The following EFCAB8 variants were observed in gnomAD, a reference collection of about 807,000 sequenced individuals.
EFCAB8 encodes EF-hand calcium-binding domain-containing protein 8.
EFCAB8 carries 100 observed loss-of-function variants against 116.3 expected under a neutral mutation model. That is an observed-to-expected ratio of 0.86 (90% CI 0.73 to 1.02). The LOEUF is 1.02. Among genes scored for constraint, EFCAB8 ranks in the 50% least tolerant of loss-of-function variants. The probability of loss-of-function intolerance (pLI) is 0.00; values close to 1 mark genes in which losing one functional copy is unlikely to be tolerated. For missense variants in EFCAB8, 1,320 were observed against 1,416.9 expected, an observed-to-expected ratio of 0.93 and a Z score of 1.10; for synonymous variants, 558 against 567.9, an observed-to-expected ratio of 0.98 and a Z score of 0.25.
At position 32,935,288 on chromosome 20, in the gene EFCAB8, C is replaced by T. The variant is rs571726922; in HGVS notation, c.2790+3952C>T. Among the ~76,000 whole-genome samples, 410 of 149,542 alleles carry T rather than the reference C, an allele frequency of 2.7e-3. 1 individual carries two copies. The highest frequency in any genetic ancestry group is 9.1e-3 in the African/African-American group (366 of 40,392). ...CAATCTTGGCTCACTGCAACCCCCG[C>T]CTCCCGGGTTCAAGCAATTCTCCCG... On this transcript the variant is annotated intron_variant, in intron 22 of 26. Coordinates refer to ENST00000400522, the MANE Select transcript of EFCAB8 (RefSeq NM_001143967.2).
intron 5 of EFCAB8, among the ~76,000 whole-genome samples, chr20:32,884,508 T>C (rs995144529): frequency 5.9e-5 from 9 of 152,308 alleles, no homozygotes; most frequent in African/African-American, 2.2e-4. Context: ...GGGCTGAGGA[T>C]AGGAGAGAGG....
chr20:32,918,223 C>A (rs929602839), intron 18 of EFCAB8, 139 bp from the exon 19 acceptor site: 8 of 778,512 alleles, frequency 1.0e-5, no homozygotes, highest in African/African-American at 1.7e-5. Flanking sequence ...TGGTCTGATG[C>A]CTTTAAGGGG....
At chr20:32,881,833 G>T (rs1381137659) in intron 5 of EFCAB8, among the ~76,000 whole-genome samples, 1 of 152,134 alleles carries the variant, frequency 6.6e-6, no homozygotes, top group Non-Finnish European at 1.5e-5. Flanking sequence ...TTGCCAGATG[G>T]GATGAAGGCG....
intron 11 of EFCAB8, among the ~76,000 whole-genome samples, chr20:32,905,141 G>A (rs1986616358): frequency 6.6e-6 from 1 of 152,194 alleles, no homozygotes; most frequent in African/African-American, 2.4e-5. Context: ...TGCTTACTGA[G>A]CTTCCTGCCA....
intron 24 of EFCAB8, among the ~76,000 whole-genome samples, chr20:32,958,797 A>C (rs1478793392): frequency 1.3e-5 from 2 of 152,228 alleles, no homozygotes; most frequent in Non-Finnish European, 2.9e-5. Context: ...GGGAAAATAC[A>C]AAAACCCAAG....
intron 23 of EFCAB8, among the ~76,000 whole-genome samples, chr20:32,954,355 G>A (rs371985489): frequency 2.0e-5 from 3 of 152,038 alleles, no homozygotes; most frequent in Non-Finnish European, 4.4e-5. Context: ...GTGGCAATTC[G>A]GTTTTCCCAA....
chr20:32,919,203 G>C (rs1297580106), intron 19 of EFCAB8, among the ~76,000 whole-genome samples: 1 of 152,178 alleles, frequency 6.6e-6, no homozygotes, highest in Non-Finnish European at 1.5e-5. Context: ...ATAATCTCTT[G>C]TATGGGGCAG....
intron 20 of EFCAB8, among the ~76,000 whole-genome samples, chr20:32,927,635 A>G (rs1159799374): frequency 6.6e-6 from 1 of 152,182 alleles, no homozygotes; most frequent in African/African-American, 2.4e-5. Flanking sequence ...GAGAGCCACC[A>G]TGCCTGGCCA....
chr20:32,895,293 C>T (rs1382340935), intron 9 of EFCAB8, among the ~76,000 whole-genome samples: 2 of 148,824 alleles, frequency 1.3e-5, no homozygotes, highest in African/African-American at 5.0e-5. Context: ...TCCAGACAGG[C>T]TTGTTTTATT....
chr20:32,940,027 T>TCCTTCCTTCCTC (rs1988349482), intron 22 of EFCAB8, among the ~76,000 whole-genome samples: 1 of 27,864 alleles, frequency 3.6e-5, no homozygotes. Flanking sequence ...CTCCCTCCCT[T>TCCTTCCTTCCTC]CCTTCCTTCC....
intron 4 of EFCAB8, among the ~76,000 whole-genome samples, chr20:32,876,367 C>T (rs1218377170): frequency 6.6e-6 from 1 of 152,198 alleles, no homozygotes; most frequent in African/African-American, 2.4e-5. Context: ...CAAGCTGGTA[C>T]CACGACCATC....
At chr20:32,949,926 G>A (rs1236242199) in intron 23 of EFCAB8, among the ~76,000 whole-genome samples, 1 of 152,210 alleles carries the variant, frequency 6.6e-6, no homozygotes, top group Non-Finnish European at 1.5e-5. Flanking sequence ...CTTGAACCTG[G>A]GAGGCGGAGG....
chr20:32,859,893 G>A (rs1984014282), intron 1 of EFCAB8, among the ~76,000 whole-genome samples: 1 of 152,176 alleles, frequency 6.6e-6, no homozygotes, highest in South Asian at 2.1e-4. Flanking sequence ...AGCCCTTGCA[G>A]CATTTTTGTT....
At chr20:32,905,582 A>G (rs1200401712) in intron 11 of EFCAB8, among the ~76,000 whole-genome samples, 1 of 152,004 alleles carries the variant, frequency 6.6e-6, no homozygotes, top group African/African-American at 2.4e-5. Context: ...CAACATGGTA[A>G]AAGCCCATCT....
In EFCAB8 at chr20:32,911,609, C is replaced by T. The variant is rs566866666; in HGVS notation, c.1687C>T (p.Arg563Trp). The change falls in exon 16 of 27, where the codon CGG becomes TGG. Residue 563 changes from arginine (R) to tryptophan (W), a missense_variant. By Grantham distance (101) the Arg-to-Trp change is moderately radical. Coordinates refer to ENST00000400522, the MANE Select transcript of EFCAB8 (RefSeq NM_001143967.2). The stretch of plus-strand genomic sequence containing the variant: ...CGCCATGGCCCTGGATGAGTCAGAG[C>T]GGTGCCTGCTCACAGGTTTGCGGGA... ...MTAMALDESE[R>W]CLLTGLRDGT... is the part of the protein sequence containing the mutation. 3.7e-5 allele frequency: 57 copies of T among 1,551,398 alleles called. 1 individual carries two copies. The Middle Eastern group carries it at 5.0e-4, about 14-fold the overall frequency.
chr20:32,897,783 G>A (rs1411882443), intron 10 of EFCAB8, among the ~76,000 whole-genome samples: 2 of 152,082 alleles, frequency 1.3e-5, no homozygotes, highest in Non-Finnish European at 2.9e-5. Flanking sequence ...TCTTGGATTC[G>A]GTGCCTTCAT....
intron 1 of EFCAB8, among the ~76,000 whole-genome samples, chr20:32,860,229 A>G (rs1260040915): frequency 6.6e-6 from 1 of 152,070 alleles, no homozygotes; most frequent in African/African-American, 2.4e-5. Flanking sequence ...AATCATCAGA[A>G]TCTGGGAGGT....
intron 20 of EFCAB8, 39 bp downstream of exon 20, chr20:32,920,254 G>A (rs1190330040): frequency 2.6e-6 from 4 of 1,548,488 alleles, no homozygotes; most frequent in African/African-American, 2.7e-5. Flanking sequence ...TATGAGCTGG[G>A]GAGTGGGCGG....
chr20:32,898,340 CG>C, intron 10 of EFCAB8, 152 bp from the exon 11 acceptor site: 1 of 574,608 alleles, frequency 1.7e-6, no homozygotes. Flanking sequence ...GCTAGGATTG[CG>C]GGGCCACATC....
Sources: gnomAD v4.1 joint callset for allele counts (sites outside exome capture counted in the v4.1 genomes callset) on GRCh38, gnomAD v4.1.1 for gene constraint, MANE v1.5 for transcripts, NCBI Gene and HGNC (gene_info 2026-07-23, HGNC 2026-07-21) for gene names.